Variants in RANBP10 observed in about 807,000 individuals in gnomAD.
The protein encoded by RANBP10 is RAN binding protein 10, also known as ran-binding protein 10.
A neutral mutation model predicts 72.8 loss-of-function variants in RANBP10; 24 were observed. That is an observed-to-expected ratio of 0.33 (90% CI 0.24 to 0.46). The LOEUF is 0.46. Ranked by LOEUF, RANBP10 falls within the 20% of genes least tolerant of loss-of-function variation. The probability of loss-of-function intolerance (pLI) is 1.00; values close to 1 mark genes in which losing one functional copy is unlikely to be tolerated. For synonymous variants in RANBP10, 310 were observed against 322.3 expected (o/e 0.96, Z 0.41); for missense variants, 679 against 817.5 (o/e 0.83, Z 2.07).
intron 2 of RANBP10, among the ~76,000 whole-genome samples, chr16:67,787,823 A>T (rs998407609): frequency 6.6e-6 from 1 of 151,958 alleles, no homozygotes; most frequent in Non-Finnish European, 1.5e-5. Flanking sequence ...TAACATAGCG[A>T]GATTCTGTCT....
chr16:67,726,198 C>T lies in RANBP10; in HGVS notation c.*230G>A, dbSNP rs2053594535. On this transcript the variant is annotated 3_prime_UTR_variant, in exon 14 of 14. Transcript: ENST00000317506. ...AAGGCGCTACATGAGAGTAACCAGC[C>T]AATACTGTGTTACAGGCCGCTGCAC... is the stretch of plus-strand genomic sequence containing the variant. 3 of 529,328 alleles carry T rather than the reference C, an allele frequency of 5.7e-6. No homozygotes were observed. Among genetic ancestry groups the T allele is most frequent in the African/African-American group, 1.9e-5 (1 of 51,594 alleles). The allele number at this position is 529,328 out of a possible 1,614,324, so 32.8% of individuals were successfully genotyped here. A position where few individuals can be genotyped will look rare whatever the true frequency, so the allele number is the denominator to read the frequency against.
At chr16:67,806,107 C>T (rs561812984) in intron 1 of RANBP10, among the ~76,000 whole-genome samples, 195 bp downstream of exon 1, 1 of 152,356 alleles carries the variant, frequency 6.6e-6, no homozygotes, top group Non-Finnish European at 1.5e-5. Context: ...CTCTTGACGG[C>T]AGGTGTCTCA....
chr16:67,788,663 T>C (rs1037667505), intron 2 of RANBP10, among the ~76,000 whole-genome samples: 9 of 151,936 alleles, frequency 5.9e-5, no homozygotes, highest in African/African-American at 2.2e-4. Flanking sequence ...GTGCTGGGAT[T>C]ACAGGCATGA....
intron 5 of RANBP10, among the ~76,000 whole-genome samples, chr16:67,737,004 A>G (rs1315719651): frequency 2.6e-5 from 4 of 152,152 alleles, no homozygotes; most frequent in Admixed American, 2.0e-4. Context: ...GAGCCAGGCC[A>G]GGCTCCCAGC....
chr16:67,805,608 C>A (rs551115771), intron 1 of RANBP10, 69 bp from the exon 2 acceptor site: 2 of 1,289,526 alleles, frequency 1.6e-6, no homozygotes, highest in African/African-American at 1.5e-5. Flanking sequence ...TTTTTCTCTG[C>A]AACTCCTCCA....
At position 67,724,469 on chromosome 16, in the gene RANBP10, A is replaced by G. The variant is rs1252483122; in HGVS notation, c.*1959T>C. 1 of 152,210 alleles carries G rather than the reference A, an allele frequency of 6.6e-6. No individual in the cohort carries two copies. Among genetic ancestry groups the G allele is most frequent in the African/African-American group, 2.4e-5 (1 of 41,440 alleles). The allele number at this position is 152,210 out of a possible 1,614,324, so 9.4% of individuals were successfully genotyped here. On this transcript the variant is annotated 3_prime_UTR_variant, in exon 14 of 14. Transcript: ENST00000317506. Reference sequence around the variant, plus strand: ...ATCCTGCTAGGCTATGATCATTTAAACAGCCTGATGTCTCCAACTTCTGGG... The same window carrying G: ...ATCCTGCTAGGCTATGATCATTTAAGCAGCCTGATGTCTCCAACTTCTGGG...
chr16:67,753,656 TG>T (rs2054236368), intron 3 of RANBP10, among the ~76,000 whole-genome samples: 1 of 152,134 alleles, frequency 6.6e-6, no homozygotes, highest in Admixed American at 6.5e-5. Context: ...GTAAAGGGTA[TG>T]AACTCAGCAT....
chr16:67,739,608 G>A (rs1597839027), intron 4 of RANBP10, among the ~76,000 whole-genome samples: 2 of 152,224 alleles, frequency 1.3e-5, no homozygotes, highest in South Asian at 4.2e-4. Context: ...GCAACATAGC[G>A]AGGCTCCGTC....
In RANBP10 at chr16:67,730,205, C is replaced by A. The variant is rs1160840995; in HGVS notation, c.890-159G>T. On this transcript the variant is annotated intron_variant, in intron 7 of 13. Coordinates refer to ENST00000317506, the MANE Select transcript of RANBP10 (RefSeq NM_020850.3). This position sits in a 1 kb window ranked among gnomAD's most constrained non-coding sequence, Gnocchi z 4.3. ...GAGGCTGGAGAAAGAACCTGACTGC[C>A]CAGCCCAACAGATCCTGGTTTCTGC... Among the ~76,000 whole-genome samples, 2 of 152,210 alleles carry A rather than the reference C, an allele frequency of 1.3e-5. No homozygotes were observed. Among genetic ancestry groups the A allele is most frequent in the Non-Finnish European group, 2.9e-5 (2 of 68,040 alleles).
At chr16:67,790,374 G>A (rs1192412266) in intron 2 of RANBP10, among the ~76,000 whole-genome samples, 1 of 151,814 alleles carries the variant, frequency 6.6e-6, no homozygotes, top group Non-Finnish European at 1.5e-5. Context: ...GAAATAGACA[G>A]TGATATGGTG....
At chr16:67,731,825 G>C (rs1177207519) in intron 6 of RANBP10, among the ~76,000 whole-genome samples, 1 of 152,230 alleles carries the variant, frequency 6.6e-6, no homozygotes, top group Non-Finnish European at 1.5e-5. Context: ...CAGTTCAGAG[G>C]AGTGGCTGCA....
intron 2 of RANBP10, among the ~76,000 whole-genome samples, chr16:67,790,819 C>A (rs2055010288): frequency 1.3e-5 from 2 of 151,518 alleles, no homozygotes; most frequent in Admixed American, 1.3e-4. Context: ...CCTGCCTCAG[C>A]CTCCTGAGCT....
At chr16:67,746,642 C>T (rs1462329080) in intron 3 of RANBP10, among the ~76,000 whole-genome samples, 1 of 152,182 alleles carries the variant, frequency 6.6e-6, no homozygotes, top group Non-Finnish European at 1.5e-5. Flanking sequence ...CAAAGTGAGA[C>T]CCTTTCTCCT....
chr16:67,743,686 C>G (rs951217693), intron 4 of RANBP10, among the ~76,000 whole-genome samples: 1 of 152,196 alleles, frequency 6.6e-6, no homozygotes, highest in Non-Finnish European at 1.5e-5. Flanking sequence ...AGGGCCACAT[C>G]TGGGCCTTTG....
chr16:67,786,820 A>C (rs1485341802), intron 2 of RANBP10, among the ~76,000 whole-genome samples: 1 of 152,088 alleles, frequency 6.6e-6, no homozygotes, highest in East Asian at 1.9e-4. Context: ...CCAGCTACTC[A>C]GGAGGCTGAG....
chr16:67,729,808 A>G lies in RANBP10; in HGVS notation c.1019T>C (p.Met340Thr). 3 of 1,613,908 alleles carry G rather than the reference A, an allele frequency of 1.9e-6. No homozygotes were observed. Among genetic ancestry groups the G allele is most frequent in the Non-Finnish European group, 2.5e-6 (3 of 1,179,948 alleles). ...FMLKCRQFVE[M>T]VNGTDSEVRS... ...GACCTCACTGTCCGTCCCATTCACCATCTCCACAAACTGCCGGCACCTGTG... is the reference window on the plus strand; with the variant it reads ...GACCTCACTGTCCGTCCCATTCACCGTCTCCACAAACTGCCGGCACCTGTG... Residue 340 changes from methionine (M) to threonine (T), a missense_variant, in exon 9 of 14, where the codon ATG (methionine) becomes ACG (threonine). Met to Thr is a moderately conservative substitution (Grantham distance 81). Coordinates refer to ENST00000317506, the MANE Select transcript of RANBP10 (RefSeq NM_020850.3). This position sits in a 1 kb window ranked among gnomAD's most constrained non-coding sequence, Gnocchi z 7.1.
intron 4 of RANBP10, among the ~76,000 whole-genome samples, chr16:67,741,781 C>A (rs2053974212): frequency 6.6e-6 from 1 of 152,182 alleles, no homozygotes; most frequent in Non-Finnish European, 1.5e-5. Flanking sequence ...AGTGCAAGGG[C>A]TGTTGACAGA....
intron 5 of RANBP10, among the ~76,000 whole-genome samples, chr16:67,736,164 C>T (rs1372072826): frequency 6.6e-6 from 1 of 151,738 alleles, no homozygotes; most frequent in Non-Finnish European, 1.5e-5. Context: ...GAGTATCATG[C>T]ACTTTTTTTT....
At chr16:67,757,146 T>C (rs542819848) in intron 3 of RANBP10, among the ~76,000 whole-genome samples, 2 of 152,290 alleles carry the variant, frequency 1.3e-5, no homozygotes, top group African/African-American at 4.8e-5. Flanking sequence ...AGGCAGAGGT[T>C]GCGGTGAGCC....
Sources: gnomAD v4.1 joint callset for allele counts (sites outside exome capture counted in the v4.1 genomes callset) on GRCh38, gnomAD v4.1.1 for gene constraint, Gnocchi (gnomAD v3.1) non-coding constraint, MANE v1.5 for transcripts, NCBI Gene and HGNC (gene_info 2026-07-23, HGNC 2026-07-21) for gene names.